SLC2A9: variants seen among roughly 807,000 people sequenced by gnomAD.
SLC2A9 encodes the protein solute carrier family 2, facilitated glucose transporter member 9.
SLC2A9 carries 39 observed loss-of-function variants against 50.6 expected under a neutral mutation model. The ratio of observed to expected loss-of-function variants is 0.77; its 90% CI spans 0.60 to 1.01. SLC2A9 has a LOEUF of 1.01. Ranked by LOEUF, SLC2A9 falls within the 50% of genes least tolerant of loss-of-function variation. The probability of loss-of-function intolerance (pLI) is 0.00; values close to 1 mark genes in which losing one functional copy is unlikely to be tolerated. For missense variants in SLC2A9, 686 were observed against 677.6 expected (o/e 1.01, Z -0.14); for synonymous variants, 324 against 276.9 (o/e 1.17, Z -1.69).
At chr4:9,866,647 A>G (rs1345126501) in intron 10 of SLC2A9, among the ~76,000 whole-genome samples, 1 of 152,106 alleles carries the variant, frequency 6.6e-6, no homozygotes, top group Non-Finnish European at 1.5e-5. Context: ...ACATCCATGG[A>G]TACGGGGACG....
chr4:9,842,468 A>G (rs1260121776), intron 10 of SLC2A9, among the ~76,000 whole-genome samples: 1 of 152,180 alleles, frequency 6.6e-6, no homozygotes, highest in East Asian at 1.9e-4. Flanking sequence ...ATCTTTCTTC[A>G]TGACCAAACT....
intron 10 of SLC2A9, among the ~76,000 whole-genome samples, chr4:9,845,132 G>A (rs561895096): frequency 4.7e-4 from 72 of 151,866 alleles, no homozygotes; most frequent in African/African-American, 1.7e-3. Flanking sequence ...TCCTGCCTCA[G>A]CCTCCTGAGT....
intron 3 of SLC2A9, among the ~76,000 whole-genome samples, chr4:9,811,713 G>A (rs1344428310): frequency 6.6e-6 from 1 of 152,158 alleles, no homozygotes; most frequent in Non-Finnish European, 1.5e-5. Context: ...GGAAAGAAAA[G>A]GTTGTTTTTT....
intron 3 of SLC2A9, among the ~76,000 whole-genome samples, chr4:9,808,671 T>C (rs1722441362): frequency 6.6e-6 from 1 of 152,194 alleles, no homozygotes; most frequent in Non-Finnish European, 1.5e-5. Flanking sequence ...CAGATAAAGA[T>C]TGCCCACATG....
intron 5 of SLC2A9, among the ~76,000 whole-genome samples, chr4:9,949,036 A>G (rs1170801507): frequency 6.6e-6 from 1 of 152,230 alleles, no homozygotes; most frequent in Non-Finnish European, 1.5e-5. Context: ...AGGCCATTTT[A>G]GCAAGAACCC....
At chr4:9,895,329 C>T (rs571412866) in intron 8 of SLC2A9, among the ~76,000 whole-genome samples, 2 of 152,326 alleles carry the variant, frequency 1.3e-5, no homozygotes, top group African/African-American at 2.4e-5. Flanking sequence ...AACAACCCTC[C>T]CATCTGACAA....
intron 7 of SLC2A9, among the ~76,000 whole-genome samples, chr4:9,909,605 A>G (rs1025624779): frequency 1.3e-5 from 2 of 152,208 alleles, no homozygotes; most frequent in East Asian, 3.8e-4. Flanking sequence ...AATGAACATG[A>G]CCATGCTTAT....
intron 6 of SLC2A9, among the ~76,000 whole-genome samples, chr4:9,940,741 A>G (rs998717382): frequency 1.3e-5 from 2 of 152,198 alleles, no homozygotes; most frequent in African/African-American, 4.8e-5. Context: ...TGATCCATAA[A>G]CTGCTAGACA....
In SLC2A9 at chr4:9,837,173, C is replaced by T. The variant is rs1727246729; in HGVS notation, c.1292-2165G>A. On this transcript the variant is annotated intron_variant, in intron 10 of 11. Transcript: ENST00000264784. ...GGCATTTCCCACAGAGTAGATACTC[C>T]ATCAATATTTACTTACATAAGTTAA... Among the ~76,000 whole-genome samples the T allele has an allele frequency of 3.3e-5, 5 of 152,180 alleles. No individual in the cohort carries two copies. The South Asian group carries it at 1.0e-3, about 32-fold the overall frequency.
intron 8 of SLC2A9, among the ~76,000 whole-genome samples, chr4:9,893,315 A>T (rs1445680480): frequency 1.3e-5 from 2 of 152,108 alleles, no homozygotes; most frequent in Admixed American, 6.5e-5. Context: ...AGCCTGGAAG[A>T]ATACCTGACA....
At chr4:9,783,215 T>G (rs1342730036) in intron 3 of SLC2A9, 1 of 1,614,198 alleles carries the variant, frequency 6.2e-7, no homozygotes. Context: ...GCTCATCTCC[T>G]ACAACCAAGA....
At chr4:10,027,472 C>T (rs1003418307) in intron 1 of SLC2A9, among the ~76,000 whole-genome samples, 2 of 152,074 alleles carry the variant, frequency 1.3e-5, no homozygotes, top group African/African-American at 4.8e-5. Context: ...CCCTCAGCAC[C>T]GCACCATTAA....
At position 9,945,516 on chromosome 4, in the gene SLC2A9, G is replaced by C. The variant is rs554234159; in HGVS notation, c.682-3471C>G. ...CCACTATACAGAAATATTAACTGCA[G>C]CACAGAGGGGTTCAATAGCTCATTG... is the stretch of plus-strand genomic sequence containing the variant. On this transcript the variant is annotated intron_variant, in intron 5 of 11. Transcript: ENST00000264784. Among the ~76,000 whole-genome samples, 3 of 152,326 alleles carry C rather than the reference G, an allele frequency of 2.0e-5. No individual in the cohort carries two copies. The South Asian group carries it at 6.2e-4, about 32-fold the overall frequency.
intron 6 of SLC2A9, among the ~76,000 whole-genome samples, chr4:9,938,182 G>C (rs541701302): frequency 1.2e-4 from 18 of 152,110 alleles, no homozygotes; most frequent in Admixed American, 1.0e-3. Flanking sequence ...TGCAAATCTG[G>C]AATTTAACCC....
intron 7 of SLC2A9, 62 bp from the exon 8 acceptor site, chr4:9,908,407 A>C (rs555736223): frequency 6.8e-5 from 86 of 1,259,902 alleles, no homozygotes; most frequent in Non-Finnish European, 9.3e-5. Flanking sequence ...TCTATTTTCT[A>C]AATCAAATTT....
At chr4:9,964,975 A>C (rs1016638141) in intron 5 of SLC2A9, among the ~76,000 whole-genome samples, 9 of 152,196 alleles carry the variant, frequency 5.9e-5, no homozygotes, top group African/African-American at 2.2e-4. Context: ...TTCATCTGTA[A>C]AATAGAAATT....
At chr4:9,957,840 A>G (rs920430730) in intron 5 of SLC2A9, among the ~76,000 whole-genome samples, 3 of 152,208 alleles carry the variant, frequency 2.0e-5, no homozygotes, top group African/African-American at 7.2e-5. Context: ...AAGGAGTTTC[A>G]GAGAAAGGAG....
chr4:9,909,687 A>C (rs140343712), intron 7 of SLC2A9, among the ~76,000 whole-genome samples: 29 of 152,370 alleles, frequency 1.9e-4, no homozygotes, highest in African/African-American at 7.0e-4. Flanking sequence ...TGAGGATTTT[A>C]GCCTGGACAC....
intron 10 of SLC2A9, among the ~76,000 whole-genome samples, chr4:9,880,969 T>C (rs992402834): frequency 6.6e-6 from 1 of 152,154 alleles, no homozygotes; most frequent in African/African-American, 2.4e-5. Context: ...GTGAGTTCCA[T>C]AAAACCGCAA....
Sources: gnomAD v4.1 joint callset for allele counts (sites outside exome capture counted in the v4.1 genomes callset) on GRCh38, gnomAD v4.1.1 for gene constraint, MANE v1.5 for transcripts, NCBI Gene and HGNC (gene_info 2026-07-23, HGNC 2026-07-21) for gene names.